Variants in DLGAP4 observed in about 807,000 individuals in gnomAD.
DLGAP4 encodes disks large-associated protein 4.
Under a neutral mutation model 86.9 loss-of-function variants are expected in DLGAP4, and 18 were observed. The ratio of observed to expected loss-of-function variants is 0.21; its 90% CI spans 0.14 to 0.31. The LOEUF (loss-of-function observed/expected upper bound fraction) is 0.31, where lower values mean the gene tolerates loss of function less well. Among genes scored for constraint, DLGAP4 ranks in the 10% least tolerant of loss-of-function variants. DLGAP4 has a pLI of 1.00. For synonymous variants in DLGAP4, 548 were observed against 574.3 expected, an observed-to-expected ratio of 0.95 and a Z score of 0.65; for missense variants, 1,085 against 1,362.6, an observed-to-expected ratio of 0.80 and a Z score of 3.21.
chr20:36,401,377 C>T (rs1214925905), intron 2 of DLGAP4, among the ~76,000 whole-genome samples: 1 of 152,204 alleles, frequency 6.6e-6, no homozygotes, highest in African/African-American at 2.4e-5. Flanking sequence ...TCCAGACAGT[C>T]CTGGCTGAGG....
chr20:36,398,200 C>T (rs895661117), intron 2 of DLGAP4, among the ~76,000 whole-genome samples: 4 of 152,116 alleles, frequency 2.6e-5, no homozygotes, highest in Admixed American at 2.0e-4. Context: ...TTCTTGATGT[C>T]CAGTGACAAT....
intron 7 of DLGAP4, among the ~76,000 whole-genome samples, chr20:36,486,864 A>G (rs983557841): frequency 6.6e-6 from 1 of 151,572 alleles, no homozygotes; most frequent in African/African-American, 2.4e-5. Flanking sequence ...CGCCCGCGTC[A>G]GCCTCCCATA....
chr20:36,386,682 T>A (rs1047234553), intron 2 of DLGAP4, among the ~76,000 whole-genome samples: 32 of 152,050 alleles, frequency 2.1e-4, no homozygotes, highest in Admixed American at 1.3e-3. Flanking sequence ...CCTCCCAGGC[T>A]CAAGTGATCC....
At chr20:36,465,890 C>T (rs2034328776) in intron 7 of DLGAP4, among the ~76,000 whole-genome samples, 2 of 152,090 alleles carry the variant, frequency 1.3e-5, no homozygotes, top group Admixed American at 1.3e-4. Context: ...CCTATAGTGC[C>T]CTCTCTTCCC....
intron 7 of DLGAP4, among the ~76,000 whole-genome samples, chr20:36,482,017 TC>T (rs1261945128): frequency 2.0e-5 from 3 of 152,104 alleles, no homozygotes; most frequent in Admixed American, 1.3e-4. Context: ...TGTGTCTCTG[TC>T]CCCCGGGTGT....
chr20:36,371,815 G>A (rs1485727231), intron 2 of DLGAP4, among the ~76,000 whole-genome samples: 1 of 152,092 alleles, frequency 6.6e-6, no homozygotes, highest in East Asian at 1.9e-4. Flanking sequence ...ATTTCTGTAA[G>A]AATTATATGT....
chr20:36,523,472 T>C (rs1029603534), intron 10 of DLGAP4, among the ~76,000 whole-genome samples: 1 of 152,248 alleles, frequency 6.6e-6, no homozygotes, highest in African/African-American at 2.4e-5. Context: ...TGGCATGTCC[T>C]ATCTGCTCTC....
intron 1 of DLGAP4, among the ~76,000 whole-genome samples, chr20:36,338,480 GA>G (rs2065344822): frequency 6.6e-6 from 1 of 152,256 alleles, no homozygotes; most frequent in East Asian, 1.9e-4. Flanking sequence ...GCTGATGCAG[GA>G]GAATTGCTTG....
At chr20:36,516,335 G>A (rs994366924) in intron 10 of DLGAP4, among the ~76,000 whole-genome samples, 7 of 152,094 alleles carry the variant, frequency 4.6e-5, no homozygotes, top group Admixed American at 2.0e-4. Flanking sequence ...CTTGTTGTAG[G>A]ATTCTAGTAC....
At chr20:36,458,270 G>A (rs1429830351) in intron 7 of DLGAP4, among the ~76,000 whole-genome samples, 1 of 151,450 alleles carries the variant, frequency 6.6e-6, no homozygotes, top group Non-Finnish European at 1.5e-5. Context: ...CAGCACTTTG[G>A]TAGGCCGAGG....
chr20:36,433,935 T>C (rs1475112188), intron 3 of DLGAP4, among the ~76,000 whole-genome samples: 1 of 151,260 alleles, frequency 6.6e-6, no homozygotes, highest in African/African-American at 2.4e-5. Flanking sequence ...ACTGAGCCAC[T>C]GCACCCAGCA....
chr20:36,433,407 ATGGCTTGAAAG>A (rs1471015932), intron 3 of DLGAP4, among the ~76,000 whole-genome samples: 1 of 152,200 alleles, frequency 6.6e-6, no homozygotes, highest in Non-Finnish European at 1.5e-5. Context: ...CCAAGGCCAC[ATGGCTTGAAAG>A]TGGCAGAAGG....
chr20:36,452,696 G>A lies in DLGAP4; in HGVS notation c.1648+5759G>A, dbSNP rs546579794. Among the ~76,000 whole-genome samples the A allele has an allele frequency of 7.2e-5, 11 of 151,846 alleles. No homozygotes were observed. The South Asian group carries it at 2.3e-3, about 32-fold the overall frequency. On this transcript the variant is annotated intron_variant, in intron 7 of 12. Transcript: ENST00000339266. ...AGCTAACTTTCAAATTTTTAGTAAA[G>A]GTGGGGTTTCATCATGTTCGCTACG...
chr20:36,429,940 A>T (rs1052395891), intron 2 of DLGAP4, among the ~76,000 whole-genome samples: 2 of 152,144 alleles, frequency 1.3e-5, no homozygotes, highest in African/African-American at 4.8e-5. Flanking sequence ...CCCTCCCTCC[A>T]CAAACCTTGT....
At chr20:36,437,783 T>G (rs1270366831) in intron 4 of DLGAP4, among the ~76,000 whole-genome samples, 2 of 152,154 alleles carry the variant, frequency 1.3e-5, no homozygotes, top group African/African-American at 4.8e-5. Flanking sequence ...AAGAGGGCAG[T>G]GTTCTCAGAG....
In DLGAP4 at chr20:36,418,033, CCTCGGCCT is replaced by C. The variant is rs752463804; in HGVS notation, c.-72-13611_-72-13604del. On this transcript the variant is annotated intron_variant, in intron 2 of 12. Coordinates refer to ENST00000339266, the MANE Select transcript of DLGAP4 (RefSeq NM_001365621.2). ...CTCCTGACCTTAGGTGATCCACCCA[CCTCGGCCT>C]CCCAAAGTGCTGGGATTATAGGCGT... Among the ~76,000 whole-genome samples, 226 of 151,936 alleles carry C rather than the reference CCTCGGCCT, an allele frequency of 1.5e-3. 2 individuals are homozygous for C. Among genetic ancestry groups the C allele is most frequent in the Non-Finnish European group, 2.1e-4 (14 of 67,968 alleles).
At chr20:36,462,592 G>C in intron 7 of DLGAP4, 1 of 1,597,732 alleles carries the variant, frequency 6.3e-7, no homozygotes, top group South Asian at 1.1e-5. Context: ...TGGAGCTCTT[G>C]AAGCAATGTG....
At chr20:36,464,119 T>A (rs1401849354) in intron 7 of DLGAP4, among the ~76,000 whole-genome samples, 2 of 152,222 alleles carry the variant, frequency 1.3e-5, no homozygotes, top group African/African-American at 4.8e-5. Flanking sequence ...AAGGGCTTGG[T>A]GCCTGGCCTG....
At chr20:36,443,569 CAT>C (rs1600536975) in intron 6 of DLGAP4, among the ~76,000 whole-genome samples, 1 of 152,142 alleles carries the variant, frequency 6.6e-6, no homozygotes, top group Non-Finnish European at 1.5e-5. Flanking sequence ...CTCCTGAACA[CAT>C]GATTCAAGAA....
Sources: allele counts gnomAD v4.1 joint callset (sites outside exome capture counted in the v4.1 genomes callset), GRCh38; gene constraint gnomAD v4.1.1; transcripts MANE v1.5; gene names NCBI Gene and HGNC (gene_info 2026-07-23, HGNC 2026-07-21).